Variants in STOX2 observed in about 807,000 individuals in gnomAD.
STOX2 encodes storkhead box 2.
Under a neutral mutation model 60.9 loss-of-function variants are expected in STOX2, and 28 were observed. The observed-to-expected ratio is 0.46, with a 90% confidence interval of 0.34 to 0.63. STOX2 has a LOEUF of 0.63. STOX2 is among the 30% of genes least tolerant of loss of function. The pLI, the probability that STOX2 is intolerant of heterozygous loss-of-function variation, is 0.01. For missense variants in STOX2, 1,024 were observed against 1,187.7 expected, an observed-to-expected ratio of 0.86 and a Z score of 2.03; for synonymous variants, 472 against 463.9, an observed-to-expected ratio of 1.02 and a Z score of -0.22.
chr4:183,932,331 C>T (rs934692584), intron 1 of STOX2, among the ~76,000 whole-genome samples: 9 of 23,406 alleles, frequency 3.8e-4, no homozygotes, highest in South Asian at 2.4e-3. Flanking sequence ...TGTATGTATA[C>T]ATACAGTATA....
At chr4:183,882,076 C>A (rs1740973186) in intron 1 of STOX2, among the ~76,000 whole-genome samples, 1 of 152,214 alleles carries the variant, frequency 6.6e-6, no homozygotes, top group East Asian at 1.9e-4. Flanking sequence ...GTGACAGATA[C>A]TAGGACTTCA....
intron 1 of STOX2, among the ~76,000 whole-genome samples, chr4:183,958,106 C>A (rs937829328): frequency 6.6e-6 from 1 of 151,384 alleles, no homozygotes; most frequent in Non-Finnish European, 1.5e-5. Flanking sequence ...ACCCTGGTTT[C>A]TTTCAGGGGG....
intron 1 of STOX2, among the ~76,000 whole-genome samples, chr4:183,988,085 C>T (rs1485500596): frequency 7.1e-6 from 1 of 140,996 alleles, no homozygotes; most frequent in Non-Finnish European, 1.6e-5. Flanking sequence ...GAGAGTGTGC[C>T]CCTCGCCACC....
chr4:183,866,764 A>G (rs1376552980), intron 1 of STOX2, among the ~76,000 whole-genome samples: 6 of 152,220 alleles, frequency 3.9e-5, no homozygotes, highest in Non-Finnish European at 1.5e-5. Flanking sequence ...CTGTAGTCCC[A>G]GCACGTTGGG....
At chr4:183,866,806 G>A (rs138609435) in intron 1 of STOX2, among the ~76,000 whole-genome samples, 4 of 152,298 alleles carry the variant, frequency 2.6e-5, no homozygotes, top group Non-Finnish European at 5.9e-5. Flanking sequence ...TTGAACTCAG[G>A]AGTTGGAGGC....
At chr4:183,973,779 A>G (rs1046700897) in intron 1 of STOX2, among the ~76,000 whole-genome samples, 3 of 152,204 alleles carry the variant, frequency 2.0e-5, no homozygotes, top group African/African-American at 7.2e-5. Flanking sequence ...GTGGATCACG[A>G]GGTGAAGAGA....
intron 1 of STOX2, among the ~76,000 whole-genome samples, chr4:183,869,363 G>T (rs1352816463): frequency 6.6e-6 from 1 of 152,172 alleles, no homozygotes; most frequent in African/African-American, 2.4e-5. Context: ...CAATTGAGGG[G>T]TAGAAGCAGC....
rs746439464 is a variant in STOX2, at chr4:184,011,046, A to C, written c.2208A>C (p.Pro736=). 6.8e-6 allele frequency: 11 copies of C among 1,612,348 alleles called. No homozygotes were observed. In the Admixed American group the frequency reaches 1.7e-4, roughly 24 times the overall value. The change falls in exon 3 of 4, where the codon CCA becomes CCC. Residue 736 remains proline (P), a synonymous_variant. Coordinates refer to ENST00000308497, the MANE Select transcript of STOX2 (RefSeq NM_020225.3). The surrounding 1 kb of genome is among the most constrained non-coding windows in gnomAD (Gnocchi z 4.4). The stretch of plus-strand genomic sequence containing the variant: ...CGAAGACACCTGCTGACACATTGCC[A>C]GGCCGATGTGAGAAACTGGAACCGT... ...SHPKTPADTL[P]GRCEKLEPSL... is the part of the protein sequence containing the mutation.
In STOX2 at chr4:183,995,201, G is replaced by A. The variant is rs79843641; in HGVS notation, c.167-6124G>A. ...CCCAGGAGCGGTGCTGGTCTCCTGC[G>A]TGTGCACAGGCTGAGAAGTTCCTGG... On this transcript the variant is annotated intron_variant, in intron 1 of 3. Transcript: ENST00000308497. Among the ~76,000 whole-genome samples, 1,003 of 151,876 alleles carry A rather than the reference G, an allele frequency of 6.6e-3. 13 individuals are homozygous for A. The highest frequency in any genetic ancestry group is 0.023 in the African/African-American group (951 of 41,348).
At chr4:183,898,778 A>G (rs996359804) in intron 1 of STOX2, among the ~76,000 whole-genome samples, 12 of 152,170 alleles carry the variant, frequency 7.9e-5, no homozygotes, top group African/African-American at 2.2e-4. Flanking sequence ...ATGAAACCAA[A>G]TAAGGATGAA....
chr4:183,994,946 T>C (rs2111212474), intron 1 of STOX2, among the ~76,000 whole-genome samples: 1 of 152,338 alleles, frequency 6.6e-6, no homozygotes, highest in South Asian at 2.1e-4. Context: ...AAAAAAATTA[T>C]TTAAAGAAAG....
intron 1 of STOX2, among the ~76,000 whole-genome samples, chr4:183,962,144 A>G (rs1259090539): frequency 6.6e-6 from 1 of 152,244 alleles, no homozygotes; most frequent in African/African-American, 2.4e-5. Flanking sequence ...TTTTAGGTTC[A>G]TTAATGACTC....
intron 1 of STOX2, among the ~76,000 whole-genome samples, chr4:183,975,934 T>C (rs1732429138): frequency 6.6e-6 from 1 of 152,206 alleles, no homozygotes; most frequent in African/African-American, 2.4e-5. Context: ...AAAATATTAG[T>C]ACATTGAATT....
chr4:183,801,001 G>A (rs1738752051), intron 1 of STOX2, among the ~76,000 whole-genome samples: 1 of 152,206 alleles, frequency 6.6e-6, no homozygotes, highest in Admixed American at 6.5e-5. Flanking sequence ...GGATTTGCCA[G>A]GAGTTAATAT....
chr4:183,813,755 C>T (rs10021501), intron 1 of STOX2, among the ~76,000 whole-genome samples: 46,334 of 152,070 alleles, frequency 0.3, 8,966 homozygotes, highest in African/African-American at 0.56. Flanking sequence ...CAGGTAGAGT[C>T]AATGCTAATT....
intron 1 of STOX2, among the ~76,000 whole-genome samples, chr4:183,932,723 T>TA (rs1742474677): frequency 4.4e-5 from 1 of 22,562 alleles, no homozygotes; most frequent in African/African-American, 1.7e-4. Flanking sequence ...TTGTGAAAAG[T>TA]AGCATGGCTG....
intron 1 of STOX2, among the ~76,000 whole-genome samples, chr4:183,910,140 A>G (rs1029510696): frequency 1.3e-5 from 2 of 152,216 alleles, no homozygotes; most frequent in East Asian, 3.9e-4. Flanking sequence ...GTTTCTGGGC[A>G]GAAAGGGGAA....
rs550840114 is a variant in STOX2 at position 183,801,247 on chromosome 4, T to G, written c.364+3192T>G. Among the ~76,000 whole-genome samples the G allele has an allele frequency of 1.1e-4, 17 of 152,326 alleles. No homozygotes were observed. The South Asian group carries it at 2.1e-3, about 19-fold the overall frequency. On this transcript the variant is annotated intron_variant, in intron 1 of 2. Coordinates refer to the STOX2 transcript ENST00000513034. ...TAACCTACTAGAATTTGCAAGTCCA[T>G]TCTTAGAAATAACCTACTGTGGGCA...
intron 2 of STOX2, among the ~76,000 whole-genome samples, chr4:184,003,880 T>G (rs938363002): frequency 6.6e-6 from 1 of 152,174 alleles, no homozygotes; most frequent in Non-Finnish European, 1.5e-5. Flanking sequence ...AAAGTTTGTT[T>G]CCTGCCTGCC....
Sources: gnomAD v4.1 joint callset for allele counts (sites outside exome capture counted in the v4.1 genomes callset) on GRCh38, gnomAD v4.1.1 for gene constraint, Gnocchi (gnomAD v3.1) non-coding constraint, MANE v1.5 for transcripts, NCBI Gene and HGNC (gene_info 2026-07-23, HGNC 2026-07-21) for gene names.